The following LDB2 variants were observed in gnomAD, a reference collection of about 807,000 sequenced individuals.
The protein encoded by LDB2 is LIM domain-binding protein 2.
LDB2 carries 12 observed loss-of-function variants against 44.3 expected under a neutral mutation model. The ratio of observed to expected loss-of-function variants is 0.27; its 90% CI spans 0.17 to 0.44. The LOEUF (loss-of-function observed/expected upper bound fraction) is 0.44. Among genes scored for constraint, LDB2 ranks in the 20% least tolerant of loss-of-function variants. LDB2 has a pLI of 1.00. For synonymous variants in LDB2, 164 were observed against 174.8 expected, an observed-to-expected ratio of 0.94 and a Z score of 0.49; for missense variants, 344 against 473.5, an observed-to-expected ratio of 0.73 and a Z score of 2.54.
intron 1 of LDB2, among the ~76,000 whole-genome samples, chr4:16,895,564 G>C (rs1025768335): frequency 3.9e-5 from 6 of 152,058 alleles, no homozygotes; most frequent in African/African-American, 1.4e-4. Flanking sequence ...GTGTGTGTGA[G>C]AGAGATATTA....
At chr4:16,892,859 C>T (rs1386074635) in intron 1 of LDB2, among the ~76,000 whole-genome samples, 1 of 151,910 alleles carries the variant, frequency 6.6e-6, no homozygotes, top group Non-Finnish European at 1.5e-5. Flanking sequence ...AATTTACACA[C>T]CAAAAAGAGA....
intron 1 of LDB2, among the ~76,000 whole-genome samples, chr4:16,836,184 T>C (rs1784858814): frequency 6.6e-6 from 1 of 152,148 alleles, no homozygotes; most frequent in African/African-American, 2.4e-5. Context: ...GAACCAAAGG[T>C]TGGTCATTCA....
chr4:16,785,008 G>GT (rs34838806), intron 1 of LDB2, among the ~76,000 whole-genome samples: 114,100 of 150,842 alleles, frequency 0.76, 45,895 homozygotes, highest in South Asian at 0.92. Flanking sequence ...TTGAAGAACA[G>GT]TTTTTTTTTC....
chr4:16,834,538 A>T (rs911715588), intron 1 of LDB2, among the ~76,000 whole-genome samples: 4 of 152,152 alleles, frequency 2.6e-5, no homozygotes, highest in African/African-American at 9.7e-5. Flanking sequence ...TTTAGAAGGT[A>T]GGAGTCAAGG....
intron 1 of LDB2, among the ~76,000 whole-genome samples, chr4:16,805,109 G>A (rs1159516431): frequency 1.3e-5 from 2 of 151,846 alleles, no homozygotes; most frequent in South Asian, 2.1e-4. Context: ...GAGAGAGAAG[G>A]GTAGAGAGAC....
chr4:16,630,852 T>C (rs182347590), intron 2 of LDB2, among the ~76,000 whole-genome samples: 612 of 152,260 alleles, frequency 4.0e-3, no homozygotes, highest in African/African-American at 0.013. Flanking sequence ...GGCCATTACA[T>C]AATGGTAAAG....
At chr4:16,666,991 C>T (rs754518954) in intron 2 of LDB2, among the ~76,000 whole-genome samples, 3 of 152,126 alleles carry the variant, frequency 2.0e-5, no homozygotes, top group Non-Finnish European at 4.4e-5. Flanking sequence ...GATTAGTTAA[C>T]CTCCTGAACA....
chr4:16,752,196 A>G (rs1345164338), intron 2 of LDB2, among the ~76,000 whole-genome samples: 3 of 152,218 alleles, frequency 2.0e-5, no homozygotes, highest in Non-Finnish European at 4.4e-5. Context: ...AAATTTTTGA[A>G]TGCAATCAAA....
chr4:16,811,528 T>C (rs903922132), intron 1 of LDB2, among the ~76,000 whole-genome samples: 5 of 152,228 alleles, frequency 3.3e-5, no homozygotes, highest in African/African-American at 1.2e-4. Flanking sequence ...GGAAAGGGCA[T>C]TTACTAGACC....
chr4:16,803,831 G>T (rs898877697), intron 1 of LDB2, among the ~76,000 whole-genome samples: 33 of 152,272 alleles, frequency 2.2e-4, no homozygotes, highest in African/African-American at 7.7e-4. Context: ...AAGCACAGAG[G>T]AATTGCTTAA....
At chr4:16,740,324 A>G (rs1369912382) in intron 2 of LDB2, among the ~76,000 whole-genome samples, 1 of 152,188 alleles carries the variant, frequency 6.6e-6, no homozygotes, top group Admixed American at 6.5e-5. Context: ...GCATTCAGTT[A>G]TATTCCTGGC....
At chr4:16,607,061 A>G (rs1373008915) in intron 2 of LDB2, among the ~76,000 whole-genome samples, 1 of 152,232 alleles carries the variant, frequency 6.6e-6, no homozygotes, top group African/African-American at 2.4e-5. Flanking sequence ...TCAGGGTTGG[A>G]TATTATACAA....
At chr4:16,852,353 A>G (rs1788444728) in intron 1 of LDB2, among the ~76,000 whole-genome samples, 1 of 152,190 alleles carries the variant, frequency 6.6e-6, no homozygotes, top group African/African-American at 2.4e-5. Flanking sequence ...CAGATACACG[A>G]AAAGACAAAC....
chr4:16,591,225 C>T (rs1461156905), intron 3 of LDB2, among the ~76,000 whole-genome samples: 1 of 152,176 alleles, frequency 6.6e-6, no homozygotes, highest in Non-Finnish European at 1.5e-5. Flanking sequence ...GTCTGGTTTA[C>T]TTCTATTGGG....
intron 2 of LDB2, among the ~76,000 whole-genome samples, chr4:16,634,083 C>A (rs1732848090): frequency 2.0e-5 from 3 of 152,170 alleles, no homozygotes; most frequent in South Asian, 4.2e-4. Flanking sequence ...AAACTGGACC[C>A]CTTTCTTACA....
intron 1 of LDB2, among the ~76,000 whole-genome samples, chr4:16,822,872 T>C (rs1200033320): frequency 2.0e-5 from 3 of 152,206 alleles, no homozygotes; most frequent in African/African-American, 7.2e-5. Context: ...TGCCAGGAGA[T>C]AGTCTACATA....
chr4:16,775,128 T>C (rs1176684825), intron 1 of LDB2, among the ~76,000 whole-genome samples: 1 of 152,172 alleles, frequency 6.6e-6, no homozygotes, highest in African/African-American at 2.4e-5. Flanking sequence ...TTACCAAAGC[T>C]CTTTGTCCCT....
chr4:16,837,993 G>C (rs1235411587), intron 1 of LDB2, among the ~76,000 whole-genome samples: 1 of 152,208 alleles, frequency 6.6e-6, no homozygotes, highest in Non-Finnish European at 1.5e-5. Flanking sequence ...GCAGGGACTA[G>C]GGTTTATATT....
intron 2 of LDB2, among the ~76,000 whole-genome samples, chr4:16,643,014 T>A (rs1385718438): frequency 6.6e-6 from 1 of 152,228 alleles, no homozygotes; most frequent in South Asian, 2.1e-4. Context: ...CCTCCATGTA[T>A]GATGCCTGGC....
Sources: allele counts gnomAD v4.1 joint callset (sites outside exome capture counted in the v4.1 genomes callset), GRCh38; gene constraint gnomAD v4.1.1; transcripts MANE v1.5; gene names NCBI Gene and HGNC (gene_info 2026-07-23, HGNC 2026-07-21).